Variants in PDE8B observed in about 807,000 individuals in gnomAD.
The protein encoded by PDE8B is phosphodiesterase 8B, also known as high affinity cAMP-specific and IBMX-insensitive 3',5'-cyclic phosphodiesterase 8B.
In PDE8B, 26 loss-of-function variants were observed where a neutral mutation model predicts 101.3. That is an observed-to-expected ratio of 0.26 (90% CI 0.19 to 0.36). The LOEUF (loss-of-function observed/expected upper bound fraction) is 0.36, where lower values mean the gene tolerates loss of function less well. Ranked by LOEUF, PDE8B falls within the 10% of genes least tolerant of loss-of-function variation. PDE8B has a pLI of 1.00. For missense variants in PDE8B, 810 were observed against 1,163.1 expected (o/e 0.70, Z 4.42); for synonymous variants, 424 against 429.3 (o/e 0.99, Z 0.15).
chr5:77,129,512 C>G, the PDE8B span, among the ~76,000 whole-genome samples: 5 of 151,088 alleles, frequency 3.3e-5, no homozygotes, highest in Non-Finnish European at 5.9e-5. Context: ...TGGATTACTT[C>G]CCCTCTGGTG....
the PDE8B span, among the ~76,000 whole-genome samples, chr5:77,167,974 A>G: frequency 6.6e-6 from 1 of 152,100 alleles, no homozygotes; most frequent in Non-Finnish European, 1.5e-5. Flanking sequence ...GAGGAAGTGA[A>G]GTGGAATGTG....
At chr5:77,197,169 G>A in the PDE8B span, among the ~76,000 whole-genome samples, 2 of 144,294 alleles carry the variant, frequency 1.4e-5, no homozygotes. Flanking sequence ...CTGGAGGGCA[G>A]TGGCATGATC....
At chr5:77,259,378 C>T (rs773975403) in intron 1 of PDE8B, among the ~76,000 whole-genome samples, 15 of 152,138 alleles carry the variant, frequency 9.9e-5, no homozygotes, top group Non-Finnish European at 2.1e-4. Flanking sequence ...CTTGCCCTCT[C>T]CCTTCAAGGG....
At chr5:77,120,704 C>G in the PDE8B span, among the ~76,000 whole-genome samples, 1 of 152,182 alleles carries the variant, frequency 6.6e-6, no homozygotes, top group Non-Finnish European at 1.5e-5. Flanking sequence ...GAGGTAAAAA[C>G]AAAAACACAT....
chr5:77,162,230 G>A, the PDE8B span, among the ~76,000 whole-genome samples: 152 of 151,692 alleles, frequency 1.0e-3, no homozygotes, highest in African/African-American at 3.6e-3. Flanking sequence ...ATATATCTAA[G>A]GCTTATACAC....
At chr5:77,351,285 C>T (rs1781079892) in intron 9 of PDE8B, 132 bp downstream of exon 9, 1 of 756,626 alleles carries the variant, frequency 1.3e-6, no homozygotes, top group South Asian at 1.5e-5. Context: ...TAGTATAGAT[C>T]GAGGGTGCTT....
rs779728266 is a variant in PDE8B, at chr5:77,312,038, G to A, written c.384G>A (p.Thr128=). Residue 128 remains threonine (T), a synonymous_variant, in exon 2 of 22, where the codon ACG becomes ACA. Transcript: ENST00000264917. ...AEVRIGPMRL[T]QDPIQVLLIF... ...TGCGCATCGGGCCCATGAGACTGAC[G>A]CAGGACCCTATTCAGGTACGCCTCC... 153 of 1,611,250 alleles carry A rather than the reference G, an allele frequency of 9.5e-5. No homozygotes were observed. Among genetic ancestry groups the A allele is most frequent in the South Asian group, 4.5e-4 (41 of 91,024 alleles).
intron 1 of PDE8B, among the ~76,000 whole-genome samples, chr5:77,240,988 T>C (rs1176496223): frequency 2.0e-5 from 3 of 152,228 alleles, no homozygotes; most frequent in African/African-American, 4.8e-5. Flanking sequence ...TAGTAACACA[T>C]AGTGAATTTT....
At chr5:77,237,381 G>A (rs138975866) in intron 1 of PDE8B, among the ~76,000 whole-genome samples, 92 of 151,824 alleles carry the variant, frequency 6.1e-4, no homozygotes, top group African/African-American at 2.1e-3. Context: ...TTTATCTATT[G>A]TGTTTTTTAC....
intron 10 of PDE8B, among the ~76,000 whole-genome samples, chr5:77,388,239 G>T (rs776398434): frequency 9.2e-5 from 14 of 152,116 alleles, no homozygotes; most frequent in Admixed American, 2.0e-4. Flanking sequence ...CTTTCATGTT[G>T]GTGACCTTCA....
At chr5:77,389,294 T>TC (rs1789399381) in intron 10 of PDE8B, among the ~76,000 whole-genome samples, 1 of 152,090 alleles carries the variant, frequency 6.6e-6, no homozygotes, top group African/African-American at 2.4e-5. Context: ...CAGGGCACAG[T>TC]CCCTCATGGC....
the PDE8B span, among the ~76,000 whole-genome samples, chr5:77,090,931 A>G: frequency 6.6e-6 from 1 of 152,202 alleles, no homozygotes. Context: ...AATATACCCA[A>G]TAGTAGTATT....
chr5:77,375,727 G>A (rs114774047), intron 10 of PDE8B, among the ~76,000 whole-genome samples: 6 of 152,202 alleles, frequency 3.9e-5, no homozygotes, highest in South Asian at 4.1e-4. Context: ...GGCGCTCAGC[G>A]TGGGCTTGGG....
intron 3 of PDE8B, among the ~76,000 whole-genome samples, chr5:77,326,769 CTAAG>C (rs1472106995): frequency 1.3e-5 from 2 of 151,918 alleles, no homozygotes; most frequent in Non-Finnish European, 2.9e-5. Context: ...TCTTGTAAAA[CTAAG>C]TATTTCTGAT....
intron 1 of PDE8B, among the ~76,000 whole-genome samples, chr5:77,278,939 C>T (rs1764401833): frequency 6.6e-6 from 1 of 152,130 alleles, no homozygotes; most frequent in Non-Finnish European, 1.5e-5. Context: ...CTTTGAGACT[C>T]ATGTTACTTC....
At chr5:77,088,494 G>A in the PDE8B span, 3 of 150,236 alleles carry the variant, frequency 2.0e-5, no homozygotes, top group Non-Finnish European at 4.4e-5. Flanking sequence ...GGTGGGGGCG[G>A]GGGTAGAGGA....
intron 14 of PDE8B, among the ~76,000 whole-genome samples, chr5:77,410,199 T>C (rs1339287590): frequency 6.6e-6 from 1 of 152,272 alleles, no homozygotes; most frequent in African/African-American, 2.4e-5. Flanking sequence ...TGTACTGCAG[T>C]GGCAGAGGGA....
intron 10 of PDE8B, among the ~76,000 whole-genome samples, chr5:77,396,426 A>G (rs1351990735): frequency 1.3e-5 from 2 of 152,190 alleles, no homozygotes; most frequent in East Asian, 3.9e-4. Context: ...GGTACTGAAT[A>G]TTTCACTTTT....
At chr5:77,130,774 A>G in the PDE8B span, among the ~76,000 whole-genome samples, 1 of 152,236 alleles carries the variant, frequency 6.6e-6, no homozygotes, top group Non-Finnish European at 1.5e-5. Flanking sequence ...TTGCCAAATG[A>G]GTTCAGATCA....
Sources: gnomAD v4.1 joint callset for allele counts (sites outside exome capture counted in the v4.1 genomes callset) on GRCh38, gnomAD v4.1.1 for gene constraint, MANE v1.5 for transcripts, NCBI Gene and HGNC (gene_info 2026-07-23, HGNC 2026-07-21) for gene names.